SPMIP2: variants seen among roughly 807,000 people sequenced by gnomAD.
The protein encoded by SPMIP2 is sperm microtubule inner protein 2, also known as protein SPMIP2.
At chr4:158,931,674 T>G in the SPMIP2 span, among the ~76,000 whole-genome samples, 3 of 152,114 alleles carry the variant, frequency 2.0e-5, no homozygotes. Flanking sequence ...GTGATTCTTG[T>G]ACCTCAGTCT....
the SPMIP2 span, chr4:158,909,483 T>C: frequency 2.6e-5 from 4 of 152,116 alleles, no homozygotes; most frequent in Non-Finnish European, 4.4e-5. Flanking sequence ...CAAGAGTGCT[T>C]TTTGGTTCCC....
chr4:159,030,931 T>C, the SPMIP2 span, among the ~76,000 whole-genome samples: 3 of 152,252 alleles, frequency 2.0e-5, no homozygotes, highest in Non-Finnish European at 4.4e-5. Context: ...TTTTTTACAT[T>C]ATTGACATCC....
chr4:159,040,423 G>C, the SPMIP2 span, among the ~76,000 whole-genome samples: 1 of 151,558 alleles, frequency 6.6e-6, no homozygotes, highest in Non-Finnish European at 1.5e-5. Context: ...CGCCCACCTC[G>C]GCCTCCCAAA....
the SPMIP2 span, among the ~76,000 whole-genome samples, chr4:159,079,056 C>T: frequency 1.5e-4 from 23 of 151,938 alleles, no homozygotes; most frequent in East Asian, 2.9e-3. Flanking sequence ...AGGTGGAGGT[C>T]GCAGTGAGCT....
chr4:158,903,517 A>T, the SPMIP2 span, among the ~76,000 whole-genome samples: 1 of 152,130 alleles, frequency 6.6e-6, no homozygotes, highest in Admixed American at 6.5e-5. Flanking sequence ...GTGCATCAAC[A>T]CGTGTAATCA....
chr4:158,927,418 T>A, the SPMIP2 span, among the ~76,000 whole-genome samples: 1 of 152,244 alleles, frequency 6.6e-6, no homozygotes, highest in African/African-American at 2.4e-5. Flanking sequence ...GTTTTCTTCC[T>A]TTTTCTTTTT....
the SPMIP2 span, among the ~76,000 whole-genome samples, chr4:159,075,259 T>C: frequency 2.6e-5 from 4 of 152,206 alleles, no homozygotes; most frequent in Admixed American, 2.6e-4. Context: ...TGCATATACA[T>C]GTACATTTCA....
At chr4:158,978,801 C>T in the SPMIP2 span, among the ~76,000 whole-genome samples, 3 of 152,044 alleles carry the variant, frequency 2.0e-5, no homozygotes, top group Non-Finnish European at 4.4e-5. Flanking sequence ...TATTTTGAGC[C>T]TATGTGTGTC....
the SPMIP2 span, among the ~76,000 whole-genome samples, chr4:159,060,317 T>C: frequency 1.6e-4 from 24 of 152,292 alleles, no homozygotes; most frequent in South Asian, 4.6e-3. Flanking sequence ...AGTCCAATAA[T>C]ACTAAGTTCC....
the SPMIP2 span, among the ~76,000 whole-genome samples, chr4:158,963,138 T>C: frequency 6.6e-6 from 1 of 152,160 alleles, no homozygotes; most frequent in South Asian, 2.1e-4. Flanking sequence ...AACACTATAA[T>C]TTAAAAATCC....
the SPMIP2 span, among the ~76,000 whole-genome samples, chr4:159,048,595 CTT>C: frequency 6.6e-6 from 1 of 152,012 alleles, no homozygotes; most frequent in Non-Finnish European, 1.5e-5. Context: ...GGAGGGGACG[CTT>C]TGCACGGTTT....
the SPMIP2 span, among the ~76,000 whole-genome samples, chr4:158,986,311 G>T: frequency 6.6e-6 from 1 of 151,964 alleles, no homozygotes; most frequent in Non-Finnish European, 1.5e-5. Context: ...AACCAAAAAA[G>T]AGCCCGCATT....
the SPMIP2 span, among the ~76,000 whole-genome samples, chr4:159,059,913 A>G: frequency 6.6e-6 from 1 of 152,156 alleles, no homozygotes. Context: ...TTGGGGTGAG[A>G]GAAAGCACAG....
chr4:158,905,618 C>T, the SPMIP2 span: 1 of 151,450 alleles, frequency 6.6e-6, no homozygotes, highest in African/African-American at 2.4e-5. Context: ...ATTCCTGCAT[C>T]CTTTTCAAAA....
At chr4:158,948,625 CTTT>C in the SPMIP2 span, among the ~76,000 whole-genome samples, 2 of 147,364 alleles carry the variant, frequency 1.4e-5, no homozygotes, top group African/African-American at 5.0e-5. Context: ...TTTGATGAGA[CTTT>C]TTTTAAGACA....
the SPMIP2 span, among the ~76,000 whole-genome samples, chr4:158,966,704 C>T: frequency 7.2e-5 from 11 of 152,280 alleles, no homozygotes; most frequent in South Asian, 1.9e-3. Flanking sequence ...CAAGCCTTAA[C>T]AAGAGTTCAT....
At chr4:158,893,885 T>G in the SPMIP2 span, among the ~76,000 whole-genome samples, 1 of 152,210 alleles carries the variant, frequency 6.6e-6, no homozygotes, top group African/African-American at 2.4e-5. Context: ...GACAGAAGTG[T>G]GTTCAAGCAC....
chr4:159,003,110 C>T, the SPMIP2 span, among the ~76,000 whole-genome samples: 28 of 152,300 alleles, frequency 1.8e-4, no homozygotes, highest in Middle Eastern at 3.4e-3. Flanking sequence ...TTTATATCTC[C>T]CTGCCAAGTT....
At chr4:159,029,132 CTA>C in the SPMIP2 span, among the ~76,000 whole-genome samples, 1 of 152,178 alleles carries the variant, frequency 6.6e-6, no homozygotes, top group African/African-American at 2.4e-5. Context: ...AATCTCCTCA[CTA>C]TGTCATTACA....
Sources: allele counts gnomAD v4.1 joint callset (sites outside exome capture counted in the v4.1 genomes callset), GRCh38; gene constraint gnomAD v4.1.1; transcripts MANE v1.5; gene names NCBI Gene and HGNC (gene_info 2026-07-23, HGNC 2026-07-21).